Variants in GOLM2 observed in about 807,000 individuals in gnomAD.
GOLM2 encodes protein GOLM2.
GOLM2 carries 26 observed loss-of-function variants against 55.9 expected under a neutral mutation model. The observed-to-expected ratio is 0.47, with a 90% CI of 0.34 to 0.65. GOLM2 has a LOEUF of 0.65. Ranked by LOEUF, GOLM2 falls within the 30% of genes least tolerant of loss-of-function variation. The pLI, the probability that GOLM2 is intolerant of heterozygous loss-of-function variation, is 0.01. For missense variants in GOLM2, 486 were observed against 531.8 expected, an observed-to-expected ratio of 0.91 and a Z score of 0.85; for synonymous variants, 165 against 194.6, an observed-to-expected ratio of 0.85 and a Z score of 1.27.
At chr15:44,364,042 G>T (rs2079264284) in intron 6 of GOLM2, among the ~76,000 whole-genome samples, 1 of 151,452 alleles carries the variant, frequency 6.6e-6, no homozygotes, top group Non-Finnish European at 1.5e-5. Flanking sequence ...GGGGACTGTT[G>T]TGGGGTGGGG....
At chr15:44,293,161 A>G (rs1460041659) in intron 1 of GOLM2, among the ~76,000 whole-genome samples, 1 of 151,630 alleles carries the variant, frequency 6.6e-6, no homozygotes, top group Non-Finnish European at 1.5e-5. Flanking sequence ...TGGAAAACTA[A>G]ACAAGTGATC....
intron 1 of GOLM2, among the ~76,000 whole-genome samples, chr15:44,306,315 T>C (rs114574057): frequency 0.013 from 1,950 of 152,158 alleles, 46 homozygotes; most frequent in East Asian, 0.086. Flanking sequence ...TTTTTTTTTT[T>C]AAACTTCATG....
chr15:44,378,055 A>T lies in GOLM2; in HGVS notation c.803-1635A>T, dbSNP rs145718161. Among the ~76,000 whole-genome samples the T allele has an allele frequency of 2.7e-3, 398 of 149,260 alleles. 2 individuals carry two copies. The highest frequency in any genetic ancestry group is 8.8e-3 in the African/African-American group (361 of 40,912). ...AAATTATTTATTTATTTATTTATTT[A>T]TTTATTTTTTTGAGACGGAGTCTTG... is the stretch of plus-strand genomic sequence containing the variant. On this transcript the variant is annotated intron_variant, in intron 6 of 9. Transcript: ENST00000299957.
chr15:44,332,803 C>A (rs2079030983), intron 4 of GOLM2, among the ~76,000 whole-genome samples: 1 of 152,038 alleles, frequency 6.6e-6, no homozygotes, highest in Non-Finnish European at 1.5e-5. Context: ...CCACTACAAC[C>A]AATTTGATTC....
chr15:44,334,141 A>G (rs2079041261), intron 4 of GOLM2, among the ~76,000 whole-genome samples: 1 of 152,196 alleles, frequency 6.6e-6, no homozygotes, highest in Non-Finnish European at 1.5e-5. Flanking sequence ...TGCTTCTCCA[A>G]TTCTTCCTTG....
intron 6 of GOLM2, among the ~76,000 whole-genome samples, chr15:44,346,518 A>G (rs1295136131): frequency 1.3e-5 from 2 of 152,224 alleles, no homozygotes; most frequent in Non-Finnish European, 2.9e-5. Context: ...GGCTATTTAC[A>G]TTTAAATTCA....
chr15:44,382,209 G>A (rs890564476), intron 8 of GOLM2: 1 of 152,072 alleles, frequency 6.6e-6, no homozygotes, highest in South Asian at 2.1e-4. Context: ...ATTGGGTTGG[G>A]GGATTGGCCT....
At chr15:44,391,488 G>C (rs1296794721) in intron 8 of GOLM2, among the ~76,000 whole-genome samples, 1 of 151,022 alleles carries the variant, frequency 6.6e-6, no homozygotes, top group Non-Finnish European at 1.5e-5. Flanking sequence ...CTGTACTCCA[G>C]CCTGGGCGAC....
chr15:44,337,852 G>C lies in GOLM2; in HGVS notation c.666G>C (p.Glu222Asp), dbSNP rs756653409. The C allele has an allele frequency of 2.5e-6, 4 of 1,604,410 alleles. No individual in the cohort carries two copies. The Admixed American group carries it at 7.0e-5, about 28-fold the overall frequency. ...VVPKNIPKVA[E>D]NVADKNEEPS... ...CTAAAAATATTCCAAAAGTAGCTGA[G>C]AATGTTGCAGATAAGAATGAAGAAC... Residue 222 changes from glutamate to aspartate, a missense_variant, in exon 5 of 10, where the codon GAG becomes GAC. Glu to Asp is a conservative substitution (Grantham distance 45). Coordinates refer to ENST00000299957, the MANE Select transcript of GOLM2 (RefSeq NM_138423.4).
At chr15:44,385,167 G>T (rs2079434629) in intron 8 of GOLM2, among the ~76,000 whole-genome samples, 1 of 152,082 alleles carries the variant, frequency 6.6e-6, no homozygotes, top group African/African-American at 2.4e-5. Flanking sequence ...TTGAACATCT[G>T]TTTTTAATTC....
chr15:44,390,957 A>G lies in GOLM2; in HGVS notation c.1072+9981A>G, dbSNP rs2079484051. On this transcript the variant is annotated intron_variant, in intron 8 of 9. Coordinates refer to ENST00000299957, the MANE Select transcript of GOLM2 (RefSeq NM_138423.4). ...AAAGGCCCCATCTCTTAATATCACC[A>G]CAGTAGGGATTAAGCTGCAACATGA... 2.6e-5 allele frequency among the ~76,000 whole-genome samples: 4 copies of G among 152,294 alleles called. No homozygotes were observed. In the South Asian group the frequency reaches 8.3e-4, roughly 32 times the overall value.
chr15:44,295,952 A>ACACC (rs2078753909), intron 1 of GOLM2, among the ~76,000 whole-genome samples: 1 of 151,214 alleles, frequency 6.6e-6, no homozygotes, highest in Non-Finnish European at 1.5e-5. Flanking sequence ...ACACACAGAC[A>ACACC]CCCTTTTATT....
intron 4 of GOLM2, among the ~76,000 whole-genome samples, chr15:44,334,254 T>G (rs2079041900): frequency 2.6e-5 from 4 of 152,212 alleles, no homozygotes; most frequent in Admixed American, 6.5e-5. Context: ...CTAGATCAGC[T>G]ACCTAATTCT....
chr15:44,366,158 G>A (rs2079282599), intron 6 of GOLM2, among the ~76,000 whole-genome samples: 1 of 152,002 alleles, frequency 6.6e-6, no homozygotes, highest in Admixed American at 6.6e-5. Context: ...TTAGCTGGGC[G>A]TGGTGGCGGG....
At chr15:44,350,835 T>C (rs2079156797) in intron 6 of GOLM2, among the ~76,000 whole-genome samples, 1 of 152,184 alleles carries the variant, frequency 6.6e-6, no homozygotes, top group African/African-American at 2.4e-5. Context: ...ATGACTCAAT[T>C]AATGTGGTAT....
chr15:44,356,951 G>C (rs958385882), intron 6 of GOLM2, among the ~76,000 whole-genome samples: 2 of 152,082 alleles, frequency 1.3e-5, no homozygotes, highest in African/African-American at 4.8e-5. Flanking sequence ...TGGGCAAATT[G>C]CTTGAGCTCA....
rs1165830156 is a variant in GOLM2 at position 44,289,312 on chromosome 15, C to T, written c.283C>T (p.Leu95=). Residue 95 remains leucine (L), a synonymous_variant, in exon 1 of 10, where the codon CTG becomes TTG. Coordinates refer to ENST00000299957, the MANE Select transcript of GOLM2 (RefSeq NM_138423.4). The surrounding 1 kb of genome is among the most constrained non-coding windows in gnomAD (Gnocchi z 4.8). Reference sequence around the variant, plus strand: ...CGACTACGGCCGCCTCAGCAGCCGGCTGCAGGCCAGAGAGGGCCTCGGGAA... The same window carrying T: ...CGACTACGGCCGCCTCAGCAGCCGGTTGCAGGCCAGAGAGGGCCTCGGGAA... ...EADYGRLSSR[L]QAREGLGKRC... is the part of the protein sequence containing the mutation. 1.2e-6 allele frequency: 2 copies of T among 1,613,648 alleles called. No individual in the cohort carries two copies. Among genetic ancestry groups the T allele is most frequent in the African/African-American group, 1.3e-5 (1 of 75,062 alleles).
At chr15:44,370,992 ATAGGAGGAGCTGTCTGT>A (rs777435082) in intron 6 of GOLM2, among the ~76,000 whole-genome samples, 4 of 152,174 alleles carry the variant, frequency 2.6e-5, no homozygotes, top group Non-Finnish European at 5.9e-5. Flanking sequence ...TCTCAGCCCT[ATAGGAGGAGCTGTCTGT>A]TAGACCCCAT....
intron 8 of GOLM2, among the ~76,000 whole-genome samples, chr15:44,386,069 T>C (rs1455393894): frequency 6.6e-6 from 1 of 152,236 alleles, no homozygotes; most frequent in Admixed American, 6.5e-5. Context: ...TTTTTTGTTT[T>C]TGTTCATACT....
Sources: gnomAD v4.1 joint callset for allele counts (sites outside exome capture counted in the v4.1 genomes callset) on GRCh38, gnomAD v4.1.1 for gene constraint, Gnocchi (gnomAD v3.1) non-coding constraint, MANE v1.5 for transcripts, NCBI Gene and HGNC (gene_info 2026-07-23, HGNC 2026-07-21) for gene names.